The following GAK variants were observed in gnomAD, a reference collection of about 807,000 sequenced individuals.
GAK encodes cyclin G associated kinase, also known as cyclin-G-associated kinase.
Under a neutral mutation model 143.9 loss-of-function variants are expected in GAK, and 79 were observed. That is an observed-to-expected ratio of 0.55 (90% CI 0.46 to 0.66). The LOEUF (loss-of-function observed/expected upper bound fraction) is 0.66. Among genes scored for constraint, GAK ranks in the 30% least tolerant of loss-of-function variants. The pLI, the probability that GAK is intolerant of heterozygous loss-of-function variation, is 0.00. For synonymous variants in GAK, 881 were observed against 765.5 expected (o/e 1.15, Z -2.49); for missense variants, 1,693 against 1,779.7 (o/e 0.95, Z 0.88).
chr4:928,508 C>T (rs543871316), intron 1 of GAK, among the ~76,000 whole-genome samples: 354 of 152,258 alleles, frequency 2.3e-3, no homozygotes, highest in Non-Finnish European at 3.4e-3. Context: ...TCAACATGGG[C>T]GACAGAGCCA....
chr4:881,317 C>T (rs1399139119), intron 15 of GAK, among the ~76,000 whole-genome samples: 1 of 152,208 alleles, frequency 6.6e-6, no homozygotes, highest in African/African-American at 2.4e-5. Flanking sequence ...CTCACCAGGT[C>T]CTCATGGAGA....
chr4:882,767 T>C lies in GAK; in HGVS notation c.1457A>G (p.Tyr486Cys), dbSNP rs1802538. 1 of 1,612,014 alleles carries C rather than the reference T, an allele frequency of 6.2e-7. No homozygotes were observed. Among genetic ancestry groups the C allele is most frequent in the Non-Finnish European group, 8.5e-7 (1 of 1,179,962 alleles). The change falls in exon 14 of 28, where the codon TAC becomes TGC. Residue 486 changes from tyrosine to cysteine, a missense_variant. By Grantham distance (194) the Tyr-to-Cys change is radical. Coordinates refer to ENST00000314167, the MANE Select transcript of GAK (RefSeq NM_005255.4). ...GGCGTGCATGTTCCTGCAGATGTTG[T>C]ACAGGGTGTGCAGGTGTGGGGCCCG... ...ARRAPHLHTL[Y>C]NICRNMHAWL... is the part of the protein sequence containing the mutation.
chr4:856,271 GCT>G (rs1407309126), intron 24 of GAK, among the ~76,000 whole-genome samples: 1 of 132,174 alleles, frequency 7.6e-6, no homozygotes, highest in East Asian at 2.2e-4. Context: ...GCTCACAACT[GCT>G]CACACCTCAC....
At chr4:920,327 A>G (rs1723710434) in intron 1 of GAK, among the ~76,000 whole-genome samples, 1 of 151,474 alleles carries the variant, frequency 6.6e-6, no homozygotes, top group Admixed American at 6.6e-5. Flanking sequence ...AAAACAAAAA[A>G]CCAACAACAA....
At chr4:873,702 A>G (rs1413903712) in intron 18 of GAK, among the ~76,000 whole-genome samples, 1 of 152,144 alleles carries the variant, frequency 6.6e-6, no homozygotes, top group Non-Finnish European at 1.5e-5. Flanking sequence ...CAGTGACACC[A>G]GCCTTCTTCC....
intron 17 of GAK, among the ~76,000 whole-genome samples, 180 bp from the exon 18 acceptor site, chr4:876,789 CCT>C (rs2152793610): frequency 6.6e-6 from 1 of 152,310 alleles, no homozygotes; most frequent in Admixed American, 6.5e-5. Flanking sequence ...GGCAGGTAAC[CCT>C]GAGGAGAACG....
chr4:907,574 G>T (rs1157488882), intron 4 of GAK, among the ~76,000 whole-genome samples: 2 of 152,204 alleles, frequency 1.3e-5, no homozygotes, highest in Admixed American at 6.5e-5. Flanking sequence ...GAATAAATGG[G>T]GTTTTTAAAA....
intron 12 of GAK, 123 bp from the exon 13 acceptor site, chr4:883,586 C>T (rs1715620829): frequency 9.0e-7 from 1 of 1,112,882 alleles, no homozygotes; most frequent in African/African-American, 1.5e-5. Flanking sequence ...CCACCAGCCA[C>T]TGCCCACACA....
At chr4:917,584 G>A (rs1448179941) in intron 1 of GAK, among the ~76,000 whole-genome samples, 1 of 152,252 alleles carries the variant, frequency 6.6e-6, no homozygotes, top group East Asian at 1.9e-4. Flanking sequence ...AAATGCAAAT[G>A]AATCTATAGT....
At chr4:882,605 A>T in intron 14 of GAK, 92 bp downstream of exon 14, 1 of 1,493,568 alleles carries the variant, frequency 6.7e-7, no homozygotes. Flanking sequence ...AACAGGCCCC[A>T]GCTCATGACT....
intron 21 of GAK, 54 bp from the exon 22 acceptor site, chr4:866,588 G>C (rs1751221468): frequency 6.3e-7 from 1 of 1,578,576 alleles, no homozygotes; most frequent in South Asian, 1.2e-5. Context: ...TGAAGACAAA[G>C]GAGCCCAGCT....
intron 5 of GAK, 42 bp from the exon 6 acceptor site, chr4:898,200 C>CA (rs1719173748): frequency 6.2e-7 from 1 of 1,608,060 alleles, no homozygotes; most frequent in Non-Finnish European, 8.5e-7. Flanking sequence ...TTGGCGTAGA[C>CA]AGAGATGGGA....
chr4:865,531 A>C (rs924077918), intron 22 of GAK, among the ~76,000 whole-genome samples: 31 of 152,120 alleles, frequency 2.0e-4, no homozygotes, highest in Non-Finnish European at 2.9e-4. Context: ...TCAGGACCCC[A>C]CTTTCTGCCG....
intron 1 of GAK, among the ~76,000 whole-genome samples, chr4:927,741 C>G (rs1164516365): frequency 1.5e-5 from 2 of 137,600 alleles, no homozygotes. Context: ...CTTACCTGCG[C>G]TCTGCACTGC....
intron 11 of GAK, among the ~76,000 whole-genome samples, chr4:884,802 G>A (rs570139513): frequency 2.0e-4 from 31 of 152,344 alleles, no homozygotes; most frequent in South Asian, 4.1e-4. Flanking sequence ...AGAGCAGGCC[G>A]GAGGCTGCGG....
At chr4:881,648 C>T (rs774826979) in intron 15 of GAK, among the ~76,000 whole-genome samples, 4 of 152,258 alleles carry the variant, frequency 2.6e-5, no homozygotes, top group African/African-American at 7.2e-5. Context: ...TGGCATTTGT[C>T]AGAGAACCTA....
rs1715453737 is a variant in GAK, at chr4:882,910, G to A, written c.1405-91C>T. The A allele has an allele frequency of 3.3e-6, 5 of 1,513,046 alleles. No individual in the cohort carries two copies. The South Asian group carries it at 4.8e-5, about 14-fold the overall frequency. The allele number at this position is 1,513,046 out of a possible 1,614,324, so 93.7% of individuals were successfully genotyped here. On this transcript the variant is annotated intron_variant, in intron 13 of 27. Coordinates refer to ENST00000314167, the MANE Select transcript of GAK (RefSeq NM_005255.4). Reference sequence around the variant, plus strand: ...AGGGACAGCCTGCCTGCAGTGCGGGGGCCTCCGCCAGCTGGTGTCATGAAC... The same window carrying A: ...AGGGACAGCCTGCCTGCAGTGCGGGAGCCTCCGCCAGCTGGTGTCATGAAC...
rs11932903 is a variant in GAK at position 893,304 on chromosome 4, C to T, written c.990+73G>A. ...CTCACATGTGCCTCCCTCCCCTCTG[C>T]GGGGGATCTGGGGCTCATGTGTGCC... is the stretch of plus-strand genomic sequence containing the variant. On this transcript the variant is annotated intron_variant, in intron 9 of 27. Transcript: ENST00000314167. 1,840 of 1,107,672 alleles carry T rather than the reference C, an allele frequency of 1.7e-3. 20 individuals carry two copies. The African/African-American group carries it at 0.026, about 16-fold the overall frequency. 68.6% of individuals were successfully genotyped at this position (1,107,672 alleles called of 1,614,324 possible).
chr4:919,770 G>A (rs28496796), intron 1 of GAK, among the ~76,000 whole-genome samples: 79 of 152,212 alleles, frequency 5.2e-4, no homozygotes, highest in African/African-American at 1.8e-3. Context: ...TTTACCGTCT[G>A]TCTCAGCTAG....
Sources: allele counts gnomAD v4.1 joint callset (sites outside exome capture counted in the v4.1 genomes callset), GRCh38; gene constraint gnomAD v4.1.1; transcripts MANE v1.5; gene names NCBI Gene and HGNC (gene_info 2026-07-23, HGNC 2026-07-21).